The following ZEB1 variants were observed in gnomAD, a reference collection of about 807,000 sequenced individuals.
The protein encoded by ZEB1 is zinc finger E-box-binding homeobox 1.
A neutral mutation model predicts 84.9 loss-of-function variants in ZEB1; 21 were observed. That is an observed-to-expected ratio of 0.25 (90% CI 0.18 to 0.36). The LOEUF (loss-of-function observed/expected upper bound fraction) is 0.36, where lower values mean the gene tolerates loss of function less well. Among genes scored for constraint, ZEB1 ranks in the 10% least tolerant of loss-of-function variants. The probability of loss-of-function intolerance (pLI) is 1.00; values close to 1 mark genes in which losing one functional copy is unlikely to be tolerated. For synonymous variants in ZEB1, 420 were observed against 471.1 expected, an observed-to-expected ratio of 0.89 and a Z score of 1.41; for missense variants, 1,104 against 1,330.2, an observed-to-expected ratio of 0.83 and a Z score of 2.65.
In ZEB1 at chr10:31,461,063, ACAAATT is replaced by A; in HGVS notation, c.88_93del (p.Asn30_Ser31del). ...TACAAATTATAATACTGTGGTAGAA[ACAAATT>A]CAGATTCAGATGATGAAGACAAACT... is the stretch of plus-strand genomic sequence containing the variant. On this transcript the variant is annotated inframe_deletion, in exon 2 of 9. Transcript: ENST00000424869. The A allele has an allele frequency of 1.2e-6, 2 of 1,613,246 alleles. No individual in the cohort carries two copies. The highest frequency in any genetic ancestry group is 1.7e-6 in the Non-Finnish European group (2 of 1,179,492).
At chr10:31,350,935 A>G (rs1590188227) in intron 1 of ZEB1, among the ~76,000 whole-genome samples, 1 of 152,328 alleles carries the variant, frequency 6.6e-6, no homozygotes, top group East Asian at 1.9e-4. Flanking sequence ...TGTTAGAGTT[A>G]GAAGTAGTGA....
intron 2 of ZEB1, among the ~76,000 whole-genome samples, chr10:31,490,071 C>T (rs2066313833): frequency 6.6e-6 from 1 of 151,416 alleles, no homozygotes; most frequent in Non-Finnish European, 1.5e-5. Flanking sequence ...CATTGATCCC[C>T]TATAATTATA....
intron 1 of ZEB1, among the ~76,000 whole-genome samples, chr10:31,427,814 G>A (rs1256551721): frequency 6.7e-6 from 1 of 148,858 alleles, no homozygotes; most frequent in Non-Finnish European, 1.5e-5. Context: ...AGCCGAGATT[G>A]CGCCACTGCA....
intron 2 of ZEB1, among the ~76,000 whole-genome samples, chr10:31,475,483 G>A (rs1463512419): frequency 6.6e-6 from 1 of 152,032 alleles, no homozygotes; most frequent in Admixed American, 6.6e-5. Flanking sequence ...ACATGACCAA[G>A]GCATATAGTC....
At chr10:31,351,233 AC>A (rs1267088918) in intron 1 of ZEB1, among the ~76,000 whole-genome samples, 1 of 152,190 alleles carries the variant, frequency 6.6e-6, no homozygotes, top group East Asian at 1.9e-4. Context: ...CCTTACTCTT[AC>A]GGTACAGTTG....
chr10:31,419,527 CAT>C (rs1418550532), intron 1 of ZEB1, among the ~76,000 whole-genome samples: 3 of 152,074 alleles, frequency 2.0e-5, no homozygotes, highest in Non-Finnish European at 4.4e-5. Flanking sequence ...TTACAGGAGT[CAT>C]ATTCTCATAT....
chr10:31,443,404 ATTTTC>A (rs991184990), intron 1 of ZEB1, among the ~76,000 whole-genome samples: 1 of 144,188 alleles, frequency 6.9e-6, no homozygotes, highest in Non-Finnish European at 1.5e-5. Flanking sequence ...ATTTGCCTAT[ATTTTC>A]TTCTTTTTTT....
intron 4 of ZEB1, among the ~76,000 whole-genome samples, chr10:31,508,154 C>A (rs1036830252): frequency 6.6e-6 from 1 of 152,068 alleles, no homozygotes; most frequent in African/African-American, 2.4e-5. Flanking sequence ...CCAGGTGGAC[C>A]ATTCCTTGGG....
intron 1 of ZEB1, among the ~76,000 whole-genome samples, chr10:31,382,916 G>T (rs951397609): frequency 1.3e-5 from 2 of 151,772 alleles, no homozygotes; most frequent in South Asian, 4.1e-4. Flanking sequence ...GAAATATGAG[G>T]TTTTTTTCAT....
At chr10:31,500,879 G>GTTAC (rs2068026249) in intron 3 of ZEB1, among the ~76,000 whole-genome samples, 1 of 152,054 alleles carries the variant, frequency 6.6e-6, no homozygotes, top group African/African-American at 2.4e-5. Flanking sequence ...ATCCCAATTT[G>GTTAC]GTAACTACTG....
At chr10:31,445,155 G>T (rs995084836) in intron 1 of ZEB1, among the ~76,000 whole-genome samples, 18 of 139,564 alleles carry the variant, frequency 1.3e-4, no homozygotes, top group Non-Finnish European at 2.2e-4. Context: ...GGATTCCTAG[G>T]TATTTTATTC....
chr10:31,451,459 T>C (rs903360023), intron 1 of ZEB1, among the ~76,000 whole-genome samples: 2 of 152,204 alleles, frequency 1.3e-5, no homozygotes, highest in African/African-American at 4.8e-5. Context: ...TTTGTATTTT[T>C]GATTTTGTCT....
At chr10:31,394,325 A>G (rs1394406058) in intron 1 of ZEB1, among the ~76,000 whole-genome samples, 1 of 152,188 alleles carries the variant, frequency 6.6e-6, no homozygotes, top group African/African-American at 2.4e-5. Context: ...AATATTAGAT[A>G]CTAGCCTTTG....
intron 1 of ZEB1, among the ~76,000 whole-genome samples, chr10:31,340,406 G>T (rs905187337): frequency 6.6e-6 from 1 of 152,190 alleles, no homozygotes; most frequent in Non-Finnish European, 1.5e-5. Context: ...GTTGAATGGA[G>T]TAGCAGCTAA....
chr10:31,319,318 C>T (rs2033008993), intron 1 of ZEB1, 26 bp downstream of exon 1: 4 of 1,595,920 alleles, frequency 2.5e-6, no homozygotes, highest in African/African-American at 1.3e-5. Flanking sequence ...GACCGGGGAG[C>T]GGCGGAGTCA....
chr10:31,452,350 G>A (rs2060660592), intron 1 of ZEB1, among the ~76,000 whole-genome samples: 1 of 149,128 alleles, frequency 6.7e-6, no homozygotes, highest in Non-Finnish European at 1.5e-5. Context: ...TATATAGACA[G>A]TAAGCTAACA....
rs1311225653 is a variant in ZEB1, at chr10:31,520,886, G to A, written c.1554G>A (p.Glu518=). 1 of 1,614,116 alleles carries A rather than the reference G, an allele frequency of 6.2e-7. No individual in the cohort carries two copies. Among genetic ancestry groups the A allele is most frequent in the Admixed American group, 1.7e-5 (1 of 60,012 alleles). ...CAGAAGATCTTACTGTTAAGTCTGA[G>A]AAGGACAAAAGCTTTGAAGGGGGGG... The part of the protein sequence containing the change: ...KLPEDLTVKS[E]KDKSFEGGVN... Residue 518 remains glutamate (E), a synonymous_variant, in exon 7 of 9, where the codon GAG becomes GAA. Transcript: ENST00000424869. This position sits in a 1 kb window ranked among gnomAD's most constrained non-coding sequence, Gnocchi z 5.1.
rs1458089056 is a variant in ZEB1 at position 31,527,395 on chromosome 10, AAAAATAC to A, written c.*143_*149del. 9.2e-6 allele frequency: 10 copies of A among 1,091,312 alleles called. No homozygotes were observed. Among genetic ancestry groups the A allele is most frequent in the Middle Eastern group, 2.9e-4 (1 of 3,478 alleles). 67.6% of individuals were successfully genotyped at this position (1,091,312 alleles called of 1,614,324 possible). A position where few individuals can be genotyped will look rare whatever the true frequency, so the allele number is the denominator to read the frequency against. On this transcript the variant is annotated 3_prime_UTR_variant, in exon 9 of 9. Transcript: ENST00000424869. ...CACTACTGTGTAAAGTAAAAACTAA[AAAAATAC>A]AAAATACAAAACACACACACACACA...
chr10:31,379,497 C>A (rs182618857), intron 1 of ZEB1, among the ~76,000 whole-genome samples: 1 of 151,906 alleles, frequency 6.6e-6, no homozygotes, highest in African/African-American at 2.4e-5. Flanking sequence ...TACACACACA[C>A]AGTAACAGTA....
Sources: allele counts gnomAD v4.1 joint callset (sites outside exome capture counted in the v4.1 genomes callset), GRCh38; gene constraint gnomAD v4.1.1; non-coding constraint Gnocchi (gnomAD v3.1); transcripts MANE v1.5; gene names NCBI Gene and HGNC (gene_info 2026-07-23, HGNC 2026-07-21).